Variants in ATG101 observed in about 807,000 individuals in gnomAD.
ATG101 encodes the protein autophagy related 101.
In ATG101, 6 loss-of-function variants were observed where a neutral mutation model predicts 16.7. That is an observed-to-expected ratio of 0.36 (90% CI 0.20 to 0.71). The LOEUF is 0.71. Among genes scored for constraint, ATG101 ranks in the 30% least tolerant of loss-of-function variants. ATG101 has a pLI of 0.57. For synonymous variants in ATG101, 108 were observed against 118.1 expected, an observed-to-expected ratio of 0.91 and a Z score of 0.56; for missense variants, 200 against 292.5, an observed-to-expected ratio of 0.68 and a Z score of 2.31.
At chr12:52,066,446 T>A (rs575845174), upstream of ATG101, among the ~76,000 whole-genome samples, 1 of 152,170 alleles carries the variant, frequency 6.6e-6, no homozygotes, top group Non-Finnish European at 1.5e-5. Flanking sequence ...GGCTTCACTG[T>A]CTGCCAATTC....
chr12:52,074,365 A>T (rs1252586334), intron 3 of ATG101, among the ~76,000 whole-genome samples: 1 of 152,164 alleles, frequency 6.6e-6, no homozygotes, highest in Non-Finnish European at 1.5e-5. Flanking sequence ...TAGGAGAAAG[A>T]TGTAGAAGGG....
rs774688725 is a variant in ATG101, at chr12:52,073,734, G to A, written c.84G>A (p.Val28=). 6 of 1,614,214 alleles carry A rather than the reference G, an allele frequency of 3.7e-6. No homozygotes were observed. In the South Asian group the frequency reaches 5.5e-5, roughly 15 times the overall value. Residue 28 remains valine (V), a synonymous_variant, in exon 3 of 4, where the codon GTG becomes GTA. Transcript: ENST00000336854. The part of the protein sequence containing the change: ...EEAMLAVLHT[V]LLHRSTGKFH... Reference sequence around the variant, plus strand: ...CCATGCTGGCTGTGCTGCACACGGTGCTTCTGCACCGCAGCACAGGCAAGT... The same window carrying A: ...CCATGCTGGCTGTGCTGCACACGGTACTTCTGCACCGCAGCACAGGCAAGT...
chr12:52,071,323 G>A (rs1939647319), intron 2 of ATG101: 1 of 152,186 alleles, frequency 6.6e-6, no homozygotes, highest in Non-Finnish European at 1.5e-5. Context: ...AGAGCTGCTA[G>A]GATTCCATGC....
chr12:52,076,204 CAAAT>C (rs1565662547), intron 3 of ATG101, among the ~76,000 whole-genome samples: 1 of 151,888 alleles, frequency 6.6e-6, no homozygotes, highest in African/African-American at 2.4e-5. Flanking sequence ...GTGGAGAAGA[CAAAT>C]AGAGTTTACA....
chr12:52,065,858 G>A (rs935553247), upstream of ATG101, among the ~76,000 whole-genome samples: 1 of 152,168 alleles, frequency 6.6e-6, no homozygotes, highest in African/African-American at 2.4e-5. Flanking sequence ...ATACATATGT[G>A]GCGGCAGAAA....
chr12:52,070,996 G>A (rs1172872608), intron 2 of ATG101: 1 of 152,204 alleles, frequency 6.6e-6, no homozygotes, highest in Non-Finnish European at 1.5e-5. Flanking sequence ...GGGCTCAATT[G>A]AGCAGTTGTT....
At chr12:52,065,409 C>T (rs561271193), upstream of ATG101, among the ~76,000 whole-genome samples, 10 of 152,226 alleles carry the variant, frequency 6.6e-5, no homozygotes, top group South Asian at 4.1e-4. Context: ...GACAGTTCCA[C>T]GTGTGGCATG....
chr12:52,066,744 GTGATGATGA>G (rs202067539), upstream of ATG101, among the ~76,000 whole-genome samples: 126 of 152,044 alleles, frequency 8.3e-4, no homozygotes, highest in Non-Finnish European at 1.5e-3. Context: ...ATTGGTAGTA[GTGATGATGA>G]TGATGATGAT....
chr12:52,069,832 C>T (rs893100394), upstream of ATG101: 1 of 152,386 alleles, frequency 6.6e-6, no homozygotes, highest in East Asian at 1.9e-4. Flanking sequence ...CAGAGAGCAA[C>T]GCATGACTAT....
intron 3 of ATG101, among the ~76,000 whole-genome samples, chr12:52,074,977 T>C (rs1011772921): frequency 4.6e-5 from 7 of 152,074 alleles, no homozygotes; most frequent in African/African-American, 1.7e-4. Flanking sequence ...AATAATTTTT[T>C]TTGTAGAGAT....
chr12:52,074,158 G>A (rs1939697773), intron 3 of ATG101, among the ~76,000 whole-genome samples: 2 of 152,278 alleles, frequency 1.3e-5, no homozygotes, highest in Admixed American at 1.3e-4. Flanking sequence ...AGGAAGCTGA[G>A]CAGTGTTGGC....
rs771761320 is a variant in ATG101 at position 52,073,705 on chromosome 12, G to A, written c.55G>A (p.Glu19Lys). The A allele has an allele frequency of 6.2e-7, 1 of 1,614,156 alleles. No homozygotes were observed. The highest frequency in any genetic ancestry group is 1.1e-5 in the South Asian group (1 of 91,086). The change falls in exon 3 of 4, where the codon GAG becomes AAG. Residue 19 changes from glutamate to lysine, a missense_variant. Glu to Lys is a moderately conservative substitution (Grantham distance 56). Coordinates refer to ENST00000336854, the MANE Select transcript of ATG101 (RefSeq NM_021934.5). ...EVSVEGRQVE[E>K]AMLAVLHTVL... Reference sequence around the variant, plus strand: ...GTCGGTGGAGGGGCGGCAGGTGGAGGAGGCCATGCTGGCTGTGCTGCACAC... The same window carrying A: ...GTCGGTGGAGGGGCGGCAGGTGGAGAAGGCCATGCTGGCTGTGCTGCACAC...
intron 2 of ATG101, chr12:52,071,404 G>A (rs1006174879): frequency 6.6e-6 from 1 of 152,174 alleles, no homozygotes; most frequent in Non-Finnish European, 1.5e-5. Context: ...AGGGGTGAGG[G>A]GGTGGTGGAA....
chr12:52,072,122 A>G (rs1939659683), intron 2 of ATG101, among the ~76,000 whole-genome samples: 1 of 152,218 alleles, frequency 6.6e-6, no homozygotes, highest in Non-Finnish European at 1.5e-5. Flanking sequence ...TTTGTCAGGT[A>G]CTTATTTAAG....
At chr12:52,065,939 G>A (rs568664429), upstream of ATG101, among the ~76,000 whole-genome samples, 2 of 152,202 alleles carry the variant, frequency 1.3e-5, no homozygotes, top group Admixed American at 6.5e-5. Flanking sequence ...GTGCAATGGC[G>A]AGATCTCAGC....
chr12:52,074,326 T>C (rs1278282102), intron 3 of ATG101, among the ~76,000 whole-genome samples: 1 of 152,108 alleles, frequency 6.6e-6, no homozygotes, highest in Non-Finnish European at 1.5e-5. Flanking sequence ...GGAGTGTCCC[T>C]TTTGGTGGTG....
upstream of ATG101, among the ~76,000 whole-genome samples, chr12:52,067,669 C>G (rs929468821): frequency 1.3e-5 from 2 of 151,832 alleles, no homozygotes; most frequent in African/African-American, 4.8e-5. Context: ...CTCACTGCAA[C>G]CTCTGCCTCC....
chr12:52,074,545 A>G (rs543798863), intron 3 of ATG101, among the ~76,000 whole-genome samples: 3 of 150,866 alleles, frequency 2.0e-5, no homozygotes, highest in Non-Finnish European at 4.4e-5. Flanking sequence ...TTTTTGAGAC[A>G]CAGTCTCACT....
rs566583636 is a variant in ATG101 at position 52,077,298 on chromosome 12, A to G, written c.*108A>G. On this transcript the variant is annotated 3_prime_UTR_variant, in exon 4 of 4. Transcript: ENST00000336854. ...GAACCTGCTCTGGGTCATTGGTGAG[A>G]CTTGGAAGGGGCAGCCCCCGCTGGC... The G allele has an allele frequency of 6.1e-5, 79 of 1,293,532 alleles. 1 individual carries two copies. In the South Asian group the frequency reaches 1.2e-3, roughly 19 times the overall value. 80.1% of individuals were successfully genotyped at this position (1,293,532 alleles called of 1,614,324 possible). A position where few individuals can be genotyped will look rare whatever the true frequency, so the allele number is the denominator to read the frequency against.
Sources: allele counts gnomAD v4.1 joint callset (sites outside exome capture counted in the v4.1 genomes callset), GRCh38; gene constraint gnomAD v4.1.1; transcripts MANE v1.5; gene names NCBI Gene and HGNC (gene_info 2026-07-23, HGNC 2026-07-21).